The following AHRR variants were observed in gnomAD, a reference collection of about 807,000 sequenced individuals.
AHRR encodes ahR repressor.
AHRR carries 28 observed loss-of-function variants against 44.0 expected under a neutral mutation model. The observed-to-expected ratio is 0.64, with a 90% confidence interval of 0.47 to 0.87. AHRR has a LOEUF of 0.87. AHRR is among the 40% of genes least tolerant of loss of function. AHRR has a pLI of 0.00. For missense variants in AHRR, 990 were observed against 953.9 expected, an observed-to-expected ratio of 1.04 and a Z score of -0.50; for synonymous variants, 434 against 407.0, an observed-to-expected ratio of 1.07 and a Z score of -0.80.
rs1737019824 is a variant in AHRR at position 436,038 on chromosome 5, A to T, written c.*1204A>T. The T allele has an allele frequency of 6.5e-6, 1 of 152,812 alleles. No homozygotes were observed. Among genetic ancestry groups the T allele is most frequent in the Non-Finnish European group, 1.5e-5 (1 of 68,172 alleles). 9.5% of individuals were successfully genotyped at this position (152,812 alleles called of 1,614,324 possible). A position where few individuals can be genotyped will look rare whatever the true frequency, so the allele number is the denominator to read the frequency against. On this transcript the variant is annotated 3_prime_UTR_variant, in exon 11 of 11. Coordinates refer to ENST00000684583, the MANE Select transcript of AHRR (RefSeq NM_001377236.1). ...TGTAGAAGTCACCCCAAGCAAGAGG[A>T]AGCCAGGCAGTGAGGCCCTGGGGTG...
Position 353,938 on chromosome 5 carries a change from T to G in AHRR, c.244+27T>G. Reference sequence around the variant, plus strand: ...TAGGACTCTCACCTGCTCCCACCTGTTCACTTGAGTCAGGCTGTGTCTCCC... The same window carrying G: ...TAGGACTCTCACCTGCTCCCACCTGGTCACTTGAGTCAGGCTGTGTCTCCC... On this transcript the variant is annotated intron_variant, in intron 3 of 10. Coordinates refer to ENST00000684583, the MANE Select transcript of AHRR (RefSeq NM_001377236.1). 1.9e-6 allele frequency: 3 copies of G among 1,591,306 alleles called. No homozygotes were observed. The South Asian group carries it at 3.4e-5, about 18-fold the overall frequency.
In AHRR at chr5:419,278, C is replaced by T. The variant is rs1735965968; in HGVS notation, c.442-3451C>T. 6.6e-6 allele frequency among the ~76,000 whole-genome samples: 1 copy of T among 151,966 alleles called. No individual in the cohort carries two copies. The highest frequency in any genetic ancestry group is 1.5e-5 in the Non-Finnish European group (1 of 68,012). On this transcript the variant is annotated intron_variant, in intron 5 of 10. Transcript: ENST00000684583. This position sits in a 1 kb window ranked among gnomAD's most constrained non-coding sequence, Gnocchi z 4.4. ...CTCCTGGGTTCAAGCAAGTCTCCTG[C>T]CTCAGCCTCCTGAGTAGCTGAGATT...
chr5:361,779 C>G (rs1257128033), intron 3 of AHRR, among the ~76,000 whole-genome samples: 1 of 152,208 alleles, frequency 6.6e-6, no homozygotes, highest in Non-Finnish European at 1.5e-5. Context: ...CTTGTCTGGT[C>G]TCACAGGTTC....
At chr5:429,775 G>A (rs934132392) in intron 8 of AHRR, among the ~76,000 whole-genome samples, 4 of 152,246 alleles carry the variant, frequency 2.6e-5, no homozygotes, top group African/African-American at 9.6e-5. Flanking sequence ...CTCTGGCATA[G>A]CGCCCAGGAG....
intron 5 of AHRR, among the ~76,000 whole-genome samples, chr5:420,110 G>T (rs1343455611): frequency 6.6e-6 from 1 of 152,206 alleles, no homozygotes; most frequent in African/African-American, 2.4e-5. Flanking sequence ...TGAGGCTGCC[G>T]CCATAGAGCG....
In AHRR at chr5:436,191, C is replaced by G. The variant is rs1389718020; in HGVS notation, c.*1357C>G. ...TGGGAGCCCATGGGTGAGGGACCCACCACCCCGCTGCACTGTGCATTGTGC... is the reference window on the plus strand; with the variant it reads ...TGGGAGCCCATGGGTGAGGGACCCAGCACCCCGCTGCACTGTGCATTGTGC... On this transcript the variant is annotated 3_prime_UTR_variant, in exon 11 of 11. Transcript: ENST00000684583. 6.6e-6 allele frequency: 1 copy of G among 151,962 alleles called. No individual in the cohort carries two copies. Among genetic ancestry groups the G allele is most frequent in the Non-Finnish European group, 1.5e-5 (1 of 68,038 alleles). 9.4% of individuals were successfully genotyped at this position (151,962 alleles called of 1,614,324 possible).
At chr5:322,119 C>T (rs1196611701) in intron 1 of AHRR, among the ~76,000 whole-genome samples, 1 of 151,982 alleles carries the variant, frequency 6.6e-6, no homozygotes, top group African/African-American at 2.4e-5. Context: ...CCGTGCGGGC[C>T]GCGCTCCCTG....
Position 376,639 on chromosome 5 carries a change from GCGGC to G in AHRR, c.279_282del (p.Gly94ProfsTer32). The G allele has an allele frequency of 2.2e-6, 3 of 1,348,472 alleles. No homozygotes were observed. The highest frequency in any genetic ancestry group is 2.9e-6 in the Non-Finnish European group (3 of 1,031,740). The allele number at this position is 1,348,472 out of a possible 1,614,324, so 83.5% of individuals were successfully genotyped here. On this transcript the variant is annotated frameshift_variant, in exon 4 of 11. Transcript: ENST00000684583. ...GCAGGAGCAGAGCTCACGGCAGCCT[GCGGC>G]CGGCGCCCCCTCGCCCGGAGACAGC...
chr5:361,547 G>A (rs376023229), intron 3 of AHRR, among the ~76,000 whole-genome samples: 36 of 152,338 alleles, frequency 2.4e-4, no homozygotes, highest in African/African-American at 7.5e-4. Context: ...CCTGGATTTC[G>A]GAGAGTGGGG....
intron 1 of AHRR, among the ~76,000 whole-genome samples, chr5:327,728 G>A (rs938520710): frequency 2.0e-5 from 3 of 152,094 alleles, no homozygotes; most frequent in African/African-American, 7.2e-5. Context: ...TTTCCATTGG[G>A]TATAGACCTA....
At chr5:415,393 G>C in intron 5 of AHRR, among the ~76,000 whole-genome samples, 1 of 139,224 alleles carries the variant, frequency 7.2e-6, no homozygotes, top group Non-Finnish European at 1.6e-5. Flanking sequence ...CCTAGGGGCC[G>C]AGTCTGCCTG....
rs1734241391 is a variant in AHRR, at chr5:388,029, G to C, written c.351+11313G>C. Among the ~76,000 whole-genome samples, 1 of 152,224 alleles carries C rather than the reference G, an allele frequency of 6.6e-6. No homozygotes were observed. On this transcript the variant is annotated intron_variant, in intron 4 of 10. Coordinates refer to ENST00000684583, the MANE Select transcript of AHRR (RefSeq NM_001377236.1). This position sits in a 1 kb window ranked among gnomAD's most constrained non-coding sequence, Gnocchi z 5.2. ...AAATCTCCCTCTTGTAAGGACAGCA[G>C]TCATACTGGATTTAGGGCCCACCCT... is the stretch of plus-strand genomic sequence containing the variant.
chr5:420,403 G>C (rs1008701981), intron 5 of AHRR, among the ~76,000 whole-genome samples: 3 of 140,678 alleles, frequency 2.1e-5, no homozygotes, highest in Non-Finnish European at 5.0e-5. Flanking sequence ...CGGACTCCCC[G>C]AGCAAAGGAG....
chr5:385,139 TG>T (rs1734120122), intron 4 of AHRR, among the ~76,000 whole-genome samples: 1 of 151,876 alleles, frequency 6.6e-6, no homozygotes. Flanking sequence ...GCACTTCTTA[TG>T]GTGCAGGTCT....
chr5:434,960 C>A lies in AHRR; in HGVS notation c.*126C>A. 1 of 1,308,074 alleles carries A rather than the reference C, an allele frequency of 7.6e-7. No homozygotes were observed. The highest frequency in any genetic ancestry group is 1.0e-6 in the Non-Finnish European group (1 of 977,236). The allele number at this position is 1,308,074 out of a possible 1,614,324, so 81.0% of individuals were successfully genotyped here. On this transcript the variant is annotated 3_prime_UTR_variant, in exon 11 of 11. Coordinates refer to ENST00000684583, the MANE Select transcript of AHRR (RefSeq NM_001377236.1). ...CACACGCTTTGCAGAGCTGTGCATG[C>A]GCAGTCTGCTAGTGTGTGTGTGCAG... is the stretch of plus-strand genomic sequence containing the variant.
Position 404,756 on chromosome 5 carries a change from G to A in AHRR, c.352-8588G>A, listed in dbSNP as rs1735187205. Among the ~76,000 whole-genome samples, 1 of 152,184 alleles carries A rather than the reference G, an allele frequency of 6.6e-6. No homozygotes were observed. Among genetic ancestry groups the A allele is most frequent in the South Asian group, 2.1e-4 (1 of 4,826 alleles). On this transcript the variant is annotated intron_variant, in intron 4 of 10. Coordinates refer to ENST00000684583, the MANE Select transcript of AHRR (RefSeq NM_001377236.1). The surrounding 1 kb of genome is among the most constrained non-coding windows in gnomAD (Gnocchi z 4.1). ...AAGAAAGATTTCTTCCAGCTGGTGG[G>A]AGGCTGGATGAGAAGGTGTTATGTT... is the stretch of plus-strand genomic sequence containing the variant.
At chr5:403,506 C>CAT (rs1436295248) in intron 4 of AHRR, among the ~76,000 whole-genome samples, 1 of 151,950 alleles carries the variant, frequency 6.6e-6, no homozygotes. Context: ...TGTGGTGGCG[C>CAT]ATGCCTGTAA....
intron 4 of AHRR, among the ~76,000 whole-genome samples, chr5:392,792 T>C: frequency 6.6e-6 from 1 of 152,160 alleles, no homozygotes; most frequent in East Asian, 1.9e-4. Context: ...CGTCATTTCA[T>C]CAGGCCTTAC....
intron 6 of AHRR, 110 bp from the exon 7 acceptor site, chr5:423,731 G>T: frequency 1.4e-6 from 2 of 1,395,882 alleles, no homozygotes; most frequent in South Asian, 1.4e-5. Context: ...ATGGCACAGT[G>T]ATAGGGTTTA....
Sources: allele counts gnomAD v4.1 joint callset (sites outside exome capture counted in the v4.1 genomes callset), GRCh38; gene constraint gnomAD v4.1.1; non-coding constraint Gnocchi (gnomAD v3.1); transcripts MANE v1.5; gene names NCBI Gene and HGNC (gene_info 2026-07-23, HGNC 2026-07-21).